The following TMEM217 variants were observed in gnomAD, a reference collection of about 807,000 sequenced individuals.
TMEM217 encodes chromosome 6 open reading frame 128.
For synonymous variants in TMEM217, 76 were observed against 88.3 expected, an observed-to-expected ratio of 0.86 and a Z score of 0.78; for missense variants, 204 against 248.8, an observed-to-expected ratio of 0.82 and a Z score of 1.21.
chr6:37,249,868 A>G (rs1765306232), intron 1 of TMEM217, among the ~76,000 whole-genome samples: 1 of 152,226 alleles, frequency 6.6e-6, no homozygotes, highest in Admixed American at 6.5e-5. Flanking sequence ...GAACTTATGC[A>G]TACACTCCAG....
chr6:37,251,960 C>A (rs141657922), intron 1 of TMEM217, among the ~76,000 whole-genome samples: 1,530 of 152,250 alleles, frequency 0.01, 34 homozygotes, highest in African/African-American at 0.035. Context: ...ATGGCACAAT[C>A]TCGGCTCACT....
intron 1 of TMEM217, among the ~76,000 whole-genome samples, chr6:37,235,848 C>A (rs781334877): frequency 9.9e-5 from 15 of 152,146 alleles, no homozygotes; most frequent in Non-Finnish European, 1.6e-4. Context: ...AAAGCACTAA[C>A]CCATTTTGAA....
intron 1 of TMEM217, among the ~76,000 whole-genome samples, chr6:37,225,015 A>G (rs911248398): frequency 1.3e-5 from 2 of 151,426 alleles, no homozygotes; most frequent in Admixed American, 1.3e-4. Flanking sequence ...TCTATAAAAA[A>G]AAAAAAAAAA....
At chr6:37,215,628 C>CAACGTGAT (rs1184623962), downstream of TMEM217, among the ~76,000 whole-genome samples, 1 of 137,166 alleles carries the variant, frequency 7.3e-6, no homozygotes, top group African/African-American at 2.8e-5. Context: ...ACTTACAATG[C>CAACGTGAT]AACGTGATAA....
At chr6:37,239,585 GATA>G (rs1764660156) in intron 1 of TMEM217, among the ~76,000 whole-genome samples, 1 of 152,160 alleles carries the variant, frequency 6.6e-6, no homozygotes, top group South Asian at 2.1e-4. Flanking sequence ...TGGTACCTAA[GATA>G]ATGATGCATT....
intron 1 of TMEM217, among the ~76,000 whole-genome samples, chr6:37,234,840 G>T (rs533272838): frequency 8.5e-5 from 13 of 152,240 alleles, no homozygotes; most frequent in South Asian, 4.1e-4. Flanking sequence ...CCTGTGAAAA[G>T]TATGAATAGG....
intron 1 of TMEM217, among the ~76,000 whole-genome samples, chr6:37,248,716 T>C (rs1765230658): frequency 6.6e-6 from 1 of 152,152 alleles, no homozygotes; most frequent in African/African-American, 2.4e-5. Flanking sequence ...CTGGCAACAG[T>C]GGTTGCCTCT....
exon 2 of TMEM217, chr6:37,218,299 G>A: frequency 8.4e-7 from 1 of 1,191,326 alleles, no homozygotes; most frequent in Non-Finnish European, 1.1e-6. Flanking sequence ...CTCTCAAGTG[G>A]CTGGGATTAC....
At chr6:37,226,847 T>C (rs570684067) in intron 1 of TMEM217, among the ~76,000 whole-genome samples, 4 of 152,154 alleles carry the variant, frequency 2.6e-5, no homozygotes, top group African/African-American at 9.6e-5. Context: ...ATTACAGGTG[T>C]GAGCCACGGC....
intron 1 of TMEM217, among the ~76,000 whole-genome samples, chr6:37,245,788 C>CT (rs1215145482): frequency 3.6e-5 from 4 of 112,138 alleles, no homozygotes; most frequent in Admixed American, 2.2e-4. Flanking sequence ...CTTTTCTTTT[C>CT]TTTCTTTCTT....
At chr6:37,241,822 T>C (rs1764783388) in intron 1 of TMEM217, among the ~76,000 whole-genome samples, 1 of 152,226 alleles carries the variant, frequency 6.6e-6, no homozygotes, top group African/African-American at 2.4e-5. Context: ...TTAAAAAAGT[T>C]ATTGAGATAA....
rs1037238436 is a variant in TMEM217, at chr6:37,237,878, A to G, written c.-11-18837T>C. Among the ~76,000 whole-genome samples, 5 of 152,340 alleles carry G rather than the reference A, an allele frequency of 3.3e-5. No individual in the cohort carries two copies. In the East Asian group the frequency reaches 9.6e-4, roughly 29 times the overall value. The stretch of plus-strand genomic sequence containing the variant: ...AGATGCAAGAAAACTCTAAAACTGT[A>G]TGAAAAGCAAAGTGAAGGATAATGA... On this transcript the variant is annotated intron_variant, in intron 1 of 1. Transcript: ENST00000357219.
intron 1 of TMEM217, among the ~76,000 whole-genome samples, chr6:37,236,537 C>A (rs1764514200): frequency 6.6e-6 from 1 of 152,006 alleles, no homozygotes; most frequent in East Asian, 1.9e-4. Flanking sequence ...GGGAGGGTAT[C>A]AAGGTTGAGA....
chr6:37,226,677 T>G (rs892383662), intron 1 of TMEM217, among the ~76,000 whole-genome samples: 1 of 152,160 alleles, frequency 6.6e-6, no homozygotes, highest in Non-Finnish European at 1.5e-5. Flanking sequence ...TTCTCCTGCC[T>G]CAGCCTCCTG....
chr6:37,255,455 G>A (rs1028820463), intron 1 of TMEM217, among the ~76,000 whole-genome samples: 4 of 152,172 alleles, frequency 2.6e-5, no homozygotes, highest in African/African-American at 9.7e-5. Flanking sequence ...GCCAAAGGTG[G>A]TGGATTGCTT....
At chr6:37,246,373 A>C (rs867230764) in intron 1 of TMEM217, among the ~76,000 whole-genome samples, 13 of 152,144 alleles carry the variant, frequency 8.5e-5, no homozygotes, top group African/African-American at 2.7e-4. Context: ...TCCCCAGGGC[A>C]TGCTCTTCTC....
chr6:37,249,650 G>A (rs1765292579), intron 1 of TMEM217, among the ~76,000 whole-genome samples: 1 of 152,132 alleles, frequency 6.6e-6, no homozygotes, highest in African/African-American at 2.4e-5. Flanking sequence ...ACTGAACAGA[G>A]ACTAAGATTT....
chr6:37,233,822 G>A (rs1416687615), intron 1 of TMEM217, among the ~76,000 whole-genome samples: 4 of 152,056 alleles, frequency 2.6e-5, no homozygotes, highest in Non-Finnish European at 1.5e-5. Flanking sequence ...AACTTAAGTC[G>A]ATGGTTCGAC....
chr6:37,257,726 C>A, exon 1 of TMEM217: 1 of 599,478 alleles, frequency 1.7e-6, no homozygotes, highest in Non-Finnish European at 2.8e-6. Context: ...CCGTCCACGG[C>A]TTGCGCAGCT....
Sources: allele counts gnomAD v4.1 joint callset (sites outside exome capture counted in the v4.1 genomes callset), GRCh38; gene constraint gnomAD v4.1.1; transcripts MANE v1.5; gene names NCBI Gene and HGNC (gene_info 2026-07-23, HGNC 2026-07-21).